Variants in PALM2AKAP2 observed in about 807,000 individuals in gnomAD.
PALM2AKAP2 encodes the protein PALM2-AKAP2 fusion protein.
In PALM2AKAP2, 37 loss-of-function variants were observed where a neutral mutation model predicts 71.5. The ratio of observed to expected loss-of-function variants is 0.52; its 90% CI spans 0.40 to 0.68. The LOEUF is 0.68. Ranked by LOEUF, PALM2AKAP2 falls within the 30% of genes least tolerant of loss-of-function variation. The probability of loss-of-function intolerance (pLI) is 0.00; values close to 1 mark genes in which losing one functional copy is unlikely to be tolerated. For missense variants in PALM2AKAP2, 1,224 were observed against 1,191.8 expected, an observed-to-expected ratio of 1.03 and a Z score of -0.40; for synonymous variants, 468 against 478.8, an observed-to-expected ratio of 0.98 and a Z score of 0.29.
At chr9:109,684,251 C>G (rs1827777548) in intron 1 of PALM2AKAP2, among the ~76,000 whole-genome samples, 1 of 152,122 alleles carries the variant, frequency 6.6e-6, no homozygotes, top group East Asian at 1.9e-4. Context: ...CCTGATGAAC[C>G]CTCCTTGAGA....
chr9:109,657,982 G>T (rs187453166), intron 1 of PALM2AKAP2, among the ~76,000 whole-genome samples: 1 of 150,868 alleles, frequency 6.6e-6, no homozygotes, highest in Non-Finnish European at 1.5e-5. Flanking sequence ...GTGTCAGGTT[G>T]TATGTATATT....
At chr9:109,719,519 T>TTTAA (rs1160545700) in intron 1 of PALM2AKAP2, among the ~76,000 whole-genome samples, 2 of 152,282 alleles carry the variant, frequency 1.3e-5, no homozygotes, top group East Asian at 3.9e-4. Flanking sequence ...CACTCAGGAG[T>TTTAA]TTAATTGAGT....
intron 1 of PALM2AKAP2, among the ~76,000 whole-genome samples, chr9:110,129,348 AT>A (rs1835684713): frequency 6.6e-6 from 1 of 152,226 alleles, no homozygotes; most frequent in South Asian, 2.1e-4. Flanking sequence ...GTTTTGATCC[AT>A]CCACTCTTCT....
intron 1 of PALM2AKAP2, among the ~76,000 whole-genome samples, chr9:109,669,348 G>T (rs1827539909): frequency 6.6e-6 from 1 of 150,922 alleles, no homozygotes; most frequent in South Asian, 2.1e-4. Context: ...GATTCCCTTT[G>T]CTAATATTCT....
intron 1 of PALM2AKAP2, among the ~76,000 whole-genome samples, chr9:109,704,624 A>G (rs750950973): frequency 4.1e-4 from 63 of 152,150 alleles, no homozygotes; most frequent in Admixed American, 5.2e-4. Flanking sequence ...TGACTGTTTC[A>G]AGGCTGTCCT....
At chr9:110,104,423 C>T (rs1421924355) in intron 1 of PALM2AKAP2, among the ~76,000 whole-genome samples, 1 of 152,168 alleles carries the variant, frequency 6.6e-6, no homozygotes, top group Admixed American at 6.5e-5. Context: ...ATGGTAAAAA[C>T]AGTTAACAGT....
At chr9:110,008,866 A>G (rs1375187799) in intron 6 of PALM2AKAP2, among the ~76,000 whole-genome samples, 1 of 150,812 alleles carries the variant, frequency 6.6e-6, no homozygotes, top group Non-Finnish European at 1.5e-5. Flanking sequence ...AGAGACATCT[A>G]TTACTTCTGG....
At chr9:110,161,157 G>C (rs1836584737) in intron 3 of PALM2AKAP2, among the ~76,000 whole-genome samples, 2 of 152,168 alleles carry the variant, frequency 1.3e-5, no homozygotes, top group South Asian at 4.1e-4. Flanking sequence ...AAGAGCTCCT[G>C]ACTTGTCAGC....
At chr9:110,152,238 A>G (rs1486674998) in intron 2 of PALM2AKAP2, among the ~76,000 whole-genome samples, 2 of 75,764 alleles carry the variant, frequency 2.6e-5, no homozygotes, top group Non-Finnish European at 5.2e-5. Flanking sequence ...TTTCAAAAAA[A>G]TGAAAGAAAA....
At chr9:109,989,486 C>T (rs779956990) in intron 6 of PALM2AKAP2, among the ~76,000 whole-genome samples, 16 of 152,210 alleles carry the variant, frequency 1.1e-4, no homozygotes, top group Non-Finnish European at 2.1e-4. Flanking sequence ...TGGAATTGTG[C>T]CTTCAAATTC....
Position 110,168,424 on chromosome 9 carries a change from G to A in PALM2AKAP2, c.2774G>A (p.Arg925Gln), listed in dbSNP as rs373048670. 1.2e-5 allele frequency: 19 copies of A among 1,613,984 alleles called. No individual in the cohort carries two copies. Among genetic ancestry groups the A allele is most frequent in the Non-Finnish European group, 1.4e-5 (17 of 1,180,008 alleles). The change falls in exon 4 of 4, where the codon CGA becomes CAA. Residue 925 changes from arginine (R) to glutamine (Q), a missense_variant. Arg to Gln is a conservative substitution (Grantham distance 43). Coordinates refer to ENST00000374525, the Ensembl canonical transcript of PALM2AKAP2. ...GTCCTCGAGGCCACACGGGTTAATC[G>A]AAGAAAGAGCGCACTGGCTTTGCGC... is the stretch of plus-strand genomic sequence containing the variant.
upstream of PALM2AKAP2, among the ~76,000 whole-genome samples, chr9:110,044,718 T>A (rs1298638382): frequency 1.3e-5 from 2 of 152,044 alleles, no homozygotes; most frequent in African/African-American, 4.8e-5. Flanking sequence ...TAGGACATAT[T>A]TAGCACTTGT....
At chr9:109,851,237 G>A (rs1207147706) in intron 1 of PALM2AKAP2, among the ~76,000 whole-genome samples, 1 of 146,540 alleles carries the variant, frequency 6.8e-6, no homozygotes, top group African/African-American at 2.7e-5. Flanking sequence ...ACCTGGTAGT[G>A]TTTACAGCCT....
chr9:110,136,037 C>A, intron 1 of PALM2AKAP2, 90 bp from the exon 8 acceptor site: 1 of 1,441,286 alleles, frequency 6.9e-7, no homozygotes, highest in East Asian at 2.4e-5. Context: ...TTCCATTTTC[C>A]TTCCTCTTAA....
chr9:110,014,246 T>C (rs1832931256), intron 6 of PALM2AKAP2, among the ~76,000 whole-genome samples: 1 of 152,150 alleles, frequency 6.6e-6, no homozygotes, highest in South Asian at 2.1e-4. Context: ...AAAAGTATTT[T>C]TTTAGGAAAA....
chr9:110,132,360 CTTT>C (rs879463569), intron 1 of PALM2AKAP2, among the ~76,000 whole-genome samples: 7 of 144,964 alleles, frequency 4.8e-5, no homozygotes, highest in Non-Finnish European at 7.6e-5. Flanking sequence ...GTGCGGGCTT[CTTT>C]TTTTTTTTTC....
At chr9:109,917,484 C>CTTTTTTTTTT (rs59106508) in intron 3 of PALM2AKAP2, among the ~76,000 whole-genome samples, 3 of 111,442 alleles carry the variant, frequency 2.7e-5, no homozygotes, top group African/African-American at 3.5e-5. Flanking sequence ...CGCTCCTTTC[C>CTTTTTTTTTT]TTTTTTTTTT....
At chr9:109,684,930 A>C (rs1827786910) in intron 1 of PALM2AKAP2, among the ~76,000 whole-genome samples, 1 of 152,184 alleles carries the variant, frequency 6.6e-6, no homozygotes, top group Non-Finnish European at 1.5e-5. Flanking sequence ...AGATAAGAAA[A>C]CTGTGGCACA....
At chr9:110,003,971 G>C (rs967294805) in intron 6 of PALM2AKAP2, among the ~76,000 whole-genome samples, 5 of 152,114 alleles carry the variant, frequency 3.3e-5, no homozygotes, top group Admixed American at 1.3e-4. Context: ...GATGGGTCTT[G>C]ACTCTTTGTC....
Sources: allele counts gnomAD v4.1 joint callset (sites outside exome capture counted in the v4.1 genomes callset), GRCh38; gene constraint gnomAD v4.1.1; transcripts MANE v1.5; gene names NCBI Gene and HGNC (gene_info 2026-07-23, HGNC 2026-07-21).